The following GTF2I variants were observed in gnomAD, a reference collection of about 807,000 sequenced individuals.
The protein encoded by GTF2I is general transcription factor II-I.
In GTF2I, 12 loss-of-function variants were observed where a neutral mutation model predicts 67.6. The ratio of observed to expected loss-of-function variants is 0.18; its 90% CI spans 0.11 to 0.29. The LOEUF (loss-of-function observed/expected upper bound fraction) is 0.29. Among genes scored for constraint, GTF2I ranks in the 10% least tolerant of loss-of-function variants. The pLI is 1.00. For synonymous variants in GTF2I, 149 were observed against 197.0 expected, an observed-to-expected ratio of 0.76 and a Z score of 2.04; for missense variants, 271 against 580.1, an observed-to-expected ratio of 0.47 and a Z score of 5.47.
chr7:74,663,012 G>A (rs1284165473), intron 1 of GTF2I, among the ~76,000 whole-genome samples: 1 of 152,016 alleles, frequency 6.6e-6, no homozygotes, highest in Non-Finnish European at 1.5e-5. Flanking sequence ...ACCCATAGGT[G>A]GACAGGTTGT....
At chr7:74,709,353 A>T (rs1791215433) in intron 8 of GTF2I, among the ~76,000 whole-genome samples, 1 of 152,038 alleles carries the variant, frequency 6.6e-6, no homozygotes. Context: ...GATTCAAGCG[A>T]TTCTCCCACC....
chr7:74,671,629 T>C (rs1179415697), intron 1 of GTF2I, among the ~76,000 whole-genome samples: 1 of 152,130 alleles, frequency 6.6e-6, no homozygotes, highest in African/African-American at 2.4e-5. Flanking sequence ...CCAGCTTTAT[T>C]TCAGCAGATA....
intron 2 of GTF2I, among the ~76,000 whole-genome samples, chr7:74,689,444 TC>T (rs1554396375): frequency 2.2e-5 from 3 of 135,732 alleles, no homozygotes; most frequent in Non-Finnish European, 4.6e-5. Context: ...AACCTTTACC[TC>T]CCGGGTTCAA....
chr7:74,706,899 G>A (rs1400736960), intron 8 of GTF2I, among the ~76,000 whole-genome samples: 2 of 152,118 alleles, frequency 1.3e-5, no homozygotes, highest in East Asian at 1.9e-4. Flanking sequence ...CACCCAGACT[G>A]AAGTGCAGTG....
At chr7:74,708,009 A>G (rs781815489) in intron 8 of GTF2I, among the ~76,000 whole-genome samples, 2 of 152,112 alleles carry the variant, frequency 1.3e-5, no homozygotes, top group Admixed American at 6.6e-5. Context: ...ATTTAATGTA[A>G]AGATTGTTGG....
At chr7:74,658,939 C>T (rs1175238433) in intron 1 of GTF2I, among the ~76,000 whole-genome samples, 1 of 152,156 alleles carries the variant, frequency 6.6e-6, no homozygotes, top group East Asian at 1.9e-4. Flanking sequence ...CTTAATCCAG[C>T]TTTTGCTTTT....
chr7:74,726,239 ATAT>A, intron 12 of GTF2I, among the ~76,000 whole-genome samples: 1 of 152,358 alleles, frequency 6.6e-6, no homozygotes, highest in East Asian at 1.9e-4. Flanking sequence ...ATATATAGTA[ATAT>A]TAAGCATTTA....
intron 1 of GTF2I, among the ~76,000 whole-genome samples, chr7:74,677,133 TAAAAGATTGCCA>T (rs1418073164): frequency 1.3e-5 from 2 of 152,162 alleles, no homozygotes; most frequent in Non-Finnish European, 2.9e-5. Context: ...TTAGGCGGCC[TAAAAGATTGCCA>T]AAATGTAGTA....
intron 17 of GTF2I, among the ~76,000 whole-genome samples, 185 bp downstream of exon 17, chr7:74,735,717 G>C (rs1794815508): frequency 1.0e-5 from 1 of 95,496 alleles, no homozygotes; most frequent in Admixed American, 1.1e-4. Context: ...TGCCCAGGCT[G>C]GAGTGCAGTG....
chr7:74,674,399 G>A (rs1276375831), intron 1 of GTF2I, among the ~76,000 whole-genome samples: 5 of 152,194 alleles, frequency 3.3e-5, no homozygotes, highest in East Asian at 3.9e-4. Context: ...ATAGTTGCAA[G>A]AACAGCAAAT....
At chr7:74,702,215 AT>A (rs1208400838) in intron 6 of GTF2I, among the ~76,000 whole-genome samples, 5 of 149,044 alleles carry the variant, frequency 3.4e-5, no homozygotes, top group Non-Finnish European at 4.4e-5. Context: ...AATAGGGTAA[AT>A]TTACACTGAA....
intron 9 of GTF2I, among the ~76,000 whole-genome samples, chr7:74,711,950 T>TC (rs1491404930): frequency 1.6e-5 from 2 of 123,808 alleles, no homozygotes; most frequent in Non-Finnish European, 3.6e-5. Flanking sequence ...CATTTCTCTC[T>TC]TTTTTTTTTT....
At chr7:74,721,132 C>A (rs1792933423) in intron 12 of GTF2I, among the ~76,000 whole-genome samples, 1 of 152,216 alleles carries the variant, frequency 6.6e-6, no homozygotes, top group East Asian at 1.9e-4. Flanking sequence ...ACCTCCGCCT[C>A]GCAGGTTCAA....
At chr7:74,712,487 AGTGTGT>A (rs142200093) in intron 9 of GTF2I, among the ~76,000 whole-genome samples, 10,597 of 131,654 alleles carry the variant, frequency 0.08, 453 homozygotes, top group Admixed American at 0.11. Context: ...TTCTCCCGGG[AGTGTGT>A]GTGTGTGTGT....
chr7:74,682,199 A>G (rs1306843866), intron 1 of GTF2I, among the ~76,000 whole-genome samples: 1 of 152,252 alleles, frequency 6.6e-6, no homozygotes, highest in Non-Finnish European at 1.5e-5. Context: ...AATCTAAAGT[A>G]GTTCTGGCTA....
At chr7:74,690,565 C>T (rs1253139528) in intron 2 of GTF2I, among the ~76,000 whole-genome samples, 2 of 152,140 alleles carry the variant, frequency 1.3e-5, no homozygotes, top group African/African-American at 4.8e-5. Context: ...CTAATTGCCC[C>T]AGGTGCCATG....
At chr7:74,682,803 T>A (rs1410809593) in intron 1 of GTF2I, among the ~76,000 whole-genome samples, 1 of 152,122 alleles carries the variant, frequency 6.6e-6, no homozygotes, top group African/African-American at 2.4e-5. Context: ...CAAAGAAATA[T>A]GACAATCTTG....
intron 12 of GTF2I, chr7:74,726,373 T>A (rs1554405671): frequency 6.6e-6 from 1 of 152,212 alleles, no homozygotes; most frequent in Non-Finnish European, 1.5e-5. Context: ...TCGGGTTTTT[T>A]AAAAAGTATA....
chr7:74,701,405 A>C (rs1463161433), intron 6 of GTF2I, among the ~76,000 whole-genome samples: 3 of 152,186 alleles, frequency 2.0e-5, no homozygotes, highest in African/African-American at 7.2e-5. Context: ...TTGTGGTGAA[A>C]AGATTAATTT....
Sources: allele counts gnomAD v4.1 joint callset (sites outside exome capture counted in the v4.1 genomes callset), GRCh38; gene constraint gnomAD v4.1.1; transcripts MANE v1.5; gene names NCBI Gene and HGNC (gene_info 2026-07-23, HGNC 2026-07-21).